Variants in MANBAL observed in about 807,000 individuals in gnomAD.
The protein encoded by MANBAL is mannosidase beta like, also known as protein MANBAL.
A neutral mutation model predicts 6.4 loss-of-function variants in MANBAL; 1 was observed. The ratio of observed to expected loss-of-function variants is 0.16; its 90% CI spans 0.06 to 0.74. The LOEUF (loss-of-function observed/expected upper bound fraction) is 0.74. MANBAL is among the 30% of genes least tolerant of loss of function. MANBAL has a pLI of 0.78. For synonymous variants in MANBAL, 47 were observed against 45.8 expected, an observed-to-expected ratio of 1.03 and a Z score of -0.10; for missense variants, 100 against 107.8, an observed-to-expected ratio of 0.93 and a Z score of 0.32.
Position 37,301,336 on chromosome 20 carries a change from G to A in MANBAL, c.73G>A (p.Gly25Arg), listed in dbSNP as rs766095592. The change falls in exon 2 of 3, where the codon GGA (glycine) becomes AGA (arginine). Residue 25 changes from glycine (G) to arginine (R), a missense_variant. Gly to Arg is a moderately radical substitution (Grantham distance 125, BLOSUM62 -2). Coordinates refer to ENST00000373606, the MANE Select transcript of MANBAL (RefSeq NM_001003897.2). ...PTFLENLLRY[G>R]LFLGAIFQLI... The stretch of plus-strand genomic sequence containing the variant: ...TTTCCTGGAGAACCTGCTACGGTAC[G>A]GACTCTTCCTGGGAGCCATCTTCCA... The A allele has an allele frequency of 2.5e-6, 4 of 1,613,704 alleles. No individual in the cohort carries two copies. The highest frequency in any genetic ancestry group is 1.6e-4 in the Middle Eastern group (1 of 6,084).
chr20:37,289,922 C>T (rs2068825472), intron 1 of MANBAL, among the ~76,000 whole-genome samples: 2 of 152,344 alleles, frequency 1.3e-5, no homozygotes, highest in South Asian at 4.1e-4. Flanking sequence ...CGCTTTCGTG[C>T]GGAGGCTGGG....
rs186685727 is a variant in MANBAL, at chr20:37,312,912, G to A, written c.151-3396G>A. ...TCCTCTGTGATCATGGAAAAGTGAG[G>A]CCTGGTTTTAAGTGCTGTATTTTCA... On this transcript the variant is annotated intron_variant, in intron 2 of 2. Coordinates refer to ENST00000373606, the MANE Select transcript of MANBAL (RefSeq NM_001003897.2). Among the ~76,000 whole-genome samples, 245 of 152,268 alleles carry A rather than the reference G, an allele frequency of 1.6e-3. 2 individuals are homozygous for A. The highest frequency in any genetic ancestry group is 5.4e-3 in the African/African-American group (226 of 41,514).
intron 1 of MANBAL, among the ~76,000 whole-genome samples, chr20:37,299,112 G>A (rs886631159): frequency 1.1e-4 from 16 of 151,952 alleles, no homozygotes; most frequent in Admixed American, 7.2e-4. Context: ...GCAGGGTCTC[G>A]CTCTGTCACC....
intron 1 of MANBAL, chr20:37,297,431 C>T (rs573070702): frequency 6.6e-6 from 1 of 152,250 alleles, no homozygotes; most frequent in East Asian, 1.9e-4. Context: ...GCTTTGAAGG[C>T]CATTCCCATG....
intron 2 of MANBAL, among the ~76,000 whole-genome samples, chr20:37,302,716 T>A (rs746338796): frequency 1.6e-4 from 25 of 152,180 alleles, no homozygotes; most frequent in Non-Finnish European, 3.2e-4. Flanking sequence ...AATGAAGCTT[T>A]GGTTTTCATA....
chr20:37,293,037 C>A (rs2068909514), intron 1 of MANBAL, among the ~76,000 whole-genome samples: 1 of 152,214 alleles, frequency 6.6e-6, no homozygotes, highest in Non-Finnish European at 1.5e-5. Context: ...CTAAACATAA[C>A]TGATGTCCAA....
chr20:37,298,644 T>G (rs1272955680), intron 1 of MANBAL: 1 of 152,242 alleles, frequency 6.6e-6, no homozygotes, highest in Non-Finnish European at 1.5e-5. Flanking sequence ...TGCTTATCCA[T>G]TCATCTGTTT....
chr20:37,301,347 G>A lies in MANBAL; in HGVS notation c.84G>A (p.Leu28=). The change falls in exon 2 of 3, where the codon CTG becomes CTA. Residue 28 remains leucine (L), a synonymous_variant. Coordinates refer to ENST00000373606, the MANE Select transcript of MANBAL (RefSeq NM_001003897.2). ...LENLLRYGLF[L]GAIFQLICVL... ...ACCTGCTACGGTACGGACTCTTCCT[G>A]GGAGCCATCTTCCAGCTCATCTGTG... The A allele has an allele frequency of 6.2e-7, 1 of 1,613,852 alleles. No homozygotes were observed. The highest frequency in any genetic ancestry group is 8.5e-7 in the Non-Finnish European group (1 of 1,179,846).
At chr20:37,290,203 A>ATT (rs2068834129) in intron 1 of MANBAL, among the ~76,000 whole-genome samples, 1 of 152,254 alleles carries the variant, frequency 6.6e-6, no homozygotes, top group Non-Finnish European at 1.5e-5. Context: ...AAGAGAAGCG[A>ATT]GAAATGAATA....
intron 2 of MANBAL, among the ~76,000 whole-genome samples, chr20:37,309,152 G>GTC (rs199595566): frequency 0.031 from 4,696 of 152,190 alleles, 104 homozygotes; most frequent in African/African-American, 0.058. Context: ...GGCTTCATGT[G>GTC]TCTCTCTCTC....
intron 1 of MANBAL, among the ~76,000 whole-genome samples, chr20:37,293,928 T>G (rs2068931428): frequency 6.6e-6 from 1 of 152,212 alleles, no homozygotes; most frequent in African/African-American, 2.4e-5. Context: ...CATTCCATCC[T>G]GGAACACCCT....
intron 1 of MANBAL, chr20:37,298,963 C>G (rs1168529515): frequency 1.3e-5 from 2 of 152,120 alleles, no homozygotes; most frequent in Non-Finnish European, 2.9e-5. Context: ...TTTCAAACTC[C>G]TGGGTTCAAG....
chr20:37,313,082 T>G (rs1568604747), intron 2 of MANBAL, among the ~76,000 whole-genome samples: 1 of 152,142 alleles, frequency 6.6e-6, no homozygotes, highest in Non-Finnish European at 1.5e-5. Context: ...GAGACTAACA[T>G]GAAAACATGT....
chr20:37,291,216 C>G (rs1192093423), intron 1 of MANBAL, among the ~76,000 whole-genome samples: 2 of 152,090 alleles, frequency 1.3e-5, no homozygotes, highest in Non-Finnish European at 2.9e-5. Context: ...TTTAGATTTA[C>G]AAAGTTATCG....
intron 2 of MANBAL, among the ~76,000 whole-genome samples, chr20:37,311,847 A>AAACTC (rs995914336): frequency 4.9e-4 from 74 of 152,332 alleles, no homozygotes; most frequent in African/African-American, 1.8e-3. Context: ...TCTGACGAGC[A>AAACTC]TGGGGAGGTA....
Position 37,316,940 on chromosome 20 carries a change from T to C in MANBAL, c.*525T>C, listed in dbSNP as rs1043432. On this transcript the variant is annotated 3_prime_UTR_variant, in exon 3 of 3. Coordinates refer to ENST00000373606, the MANE Select transcript of MANBAL (RefSeq NM_001003897.2). The stretch of plus-strand genomic sequence containing the variant: ...GCAGCGTTAGTGATCCCACTAGCTG[T>C]GACAGCCAGGCCCAGAAAATGCCTG... 0.49 allele frequency: 74,382 copies of C among 152,420 alleles called. 18,666 individuals carry two copies. Among genetic ancestry groups the C allele is most frequent in the Middle Eastern group, 0.59 (175 of 296 alleles). The allele number at this position is 152,420 out of a possible 1,614,324, so 9.4% of individuals were successfully genotyped here. A position where few individuals can be genotyped will look rare whatever the true frequency, so the allele number is the denominator to read the frequency against.
chr20:37,299,414 A>T (rs888298273), intron 1 of MANBAL, among the ~76,000 whole-genome samples: 1 of 152,198 alleles, frequency 6.6e-6, no homozygotes, highest in African/African-American at 2.4e-5. Flanking sequence ...TATGAATGAG[A>T]TAGATTACAT....
At position 37,316,673 on chromosome 20, in the gene MANBAL, T is replaced by TC; in HGVS notation, c.*258_*259insC. The TC allele has an allele frequency of 3.3e-6, 1 of 305,180 alleles. No homozygotes were observed. 18.9% of individuals were successfully genotyped at this position (305,180 alleles called of 1,614,324 possible). Reference sequence around the variant, plus strand: ...ACTGTGAGCATAGACTGTATTAGGTTTGTTCAGAAGCCGGGTCAGCTCACA... The same window carrying TC: ...ACTGTGAGCATAGACTGTATTAGGTTCTGTTCAGAAGCCGGGTCAGCTCACA... On this transcript the variant is annotated 3_prime_UTR_variant, in exon 3 of 3. Coordinates refer to ENST00000373606, the MANE Select transcript of MANBAL (RefSeq NM_001003897.2).
At chr20:37,289,835 G>C (rs1435209450) in intron 1 of MANBAL, 149 bp downstream of exon 1, 4 of 152,282 alleles carry the variant, frequency 2.6e-5, no homozygotes, top group Non-Finnish European at 5.9e-5. Flanking sequence ...CGTTCCCTCG[G>C]CGGTTGTTCG....
Sources: allele counts gnomAD v4.1 joint callset (sites outside exome capture counted in the v4.1 genomes callset), GRCh38; gene constraint gnomAD v4.1.1; transcripts MANE v1.5; gene names NCBI Gene and HGNC (gene_info 2026-07-23, HGNC 2026-07-21).